The following SLC35F4 variants were observed in gnomAD, a reference collection of about 807,000 sequenced individuals.
SLC35F4 encodes the protein chromosome 14 open reading frame 36.
Under a neutral mutation model 44.2 loss-of-function variants are expected in SLC35F4, and 24 were observed. The observed-to-expected ratio is 0.54, with a 90% CI of 0.39 to 0.76. The LOEUF (loss-of-function observed/expected upper bound fraction) is 0.76, where lower values mean the gene tolerates loss of function less well. Ranked by LOEUF, SLC35F4 falls within the 30% of genes least tolerant of loss-of-function variation. SLC35F4 has a pLI of 0.00. For missense variants in SLC35F4, 562 were observed against 586.1 expected (o/e 0.96, Z 0.42); for synonymous variants, 238 against 223.6 (o/e 1.06, Z -0.57).
intron 1 of SLC35F4, among the ~76,000 whole-genome samples, chr14:57,959,931 C>T (rs1297493305): frequency 6.6e-6 from 1 of 152,044 alleles, no homozygotes; most frequent in African/African-American, 2.4e-5. Context: ...GCCGAGACTC[C>T]ACCTTGGAAG....
intron 1 of SLC35F4, among the ~76,000 whole-genome samples, chr14:57,600,032 A>G (rs181704814): frequency 2.0e-5 from 3 of 152,240 alleles, no homozygotes; most frequent in African/African-American, 7.2e-5. Flanking sequence ...GGTGGAAAAA[A>G]GTGGAAAGAG....
intron 1 of SLC35F4, among the ~76,000 whole-genome samples, chr14:57,966,207 T>C (rs2141091566): frequency 6.6e-6 from 1 of 152,288 alleles, no homozygotes; most frequent in Admixed American, 6.5e-5. Context: ...GCTCCCACAA[T>C]TTGCCTAATC....
At chr14:57,875,765 A>T (rs73294869) in intron 1 of SLC35F4, among the ~76,000 whole-genome samples, 2 of 152,142 alleles carry the variant, frequency 1.3e-5, no homozygotes. Flanking sequence ...AGGTTAACTC[A>T]GATTGATTAG....
intron 1 of SLC35F4, among the ~76,000 whole-genome samples, chr14:57,607,319 C>T (rs1049301563): frequency 1.3e-5 from 2 of 152,100 alleles, no homozygotes; most frequent in African/African-American, 2.4e-5. Context: ...GGGAGGAGTA[C>T]CAGTCAGGAA....
intron 1 of SLC35F4, among the ~76,000 whole-genome samples, chr14:57,744,952 T>C (rs2076716497): frequency 1.3e-5 from 2 of 151,376 alleles, no homozygotes; most frequent in Non-Finnish European, 3.0e-5. Context: ...CTACTAACCA[T>C]CTGATCTTTG....
chr14:57,588,128 C>G (rs567452459), intron 3 of SLC35F4, among the ~76,000 whole-genome samples: 2 of 152,190 alleles, frequency 1.3e-5, no homozygotes, highest in Non-Finnish European at 2.9e-5. Context: ...GATCGTGCCA[C>G]TGCACTCCAG....
chr14:57,769,966 C>T (rs979628731), intron 1 of SLC35F4, among the ~76,000 whole-genome samples: 5 of 152,166 alleles, frequency 3.3e-5, no homozygotes, highest in Non-Finnish European at 2.9e-5. Flanking sequence ...TCATTTAAAA[C>T]ACCATCTGCC....
At chr14:57,829,963 G>T (rs1275655597) in intron 1 of SLC35F4, among the ~76,000 whole-genome samples, 2 of 152,182 alleles carry the variant, frequency 1.3e-5, no homozygotes, top group Non-Finnish European at 1.5e-5. Flanking sequence ...TAATCTTGCA[G>T]TTAAATGCAA....
In SLC35F4 at chr14:57,890,232, C is replaced by T. The variant is rs915345516; in HGVS notation, n.282+91681G>A. 7.2e-5 allele frequency among the ~76,000 whole-genome samples: 11 copies of T among 152,222 alleles called. No individual in the cohort carries two copies. In the East Asian group the frequency reaches 2.1e-3, roughly 29 times the overall value. On this transcript the variant is annotated intron_variant and non_coding_transcript_variant, in intron 1 of 1. Coordinates refer to the SLC35F4 transcript ENST00000556568. ...GCAAACATGTGGAGTAGATATGGAC[C>T]CACTCACATCCTGGAGACAAACAAG...
At chr14:57,709,062 A>G (rs1166760796) in intron 1 of SLC35F4, among the ~76,000 whole-genome samples, 1 of 152,242 alleles carries the variant, frequency 6.6e-6, no homozygotes, top group Non-Finnish European at 1.5e-5. Context: ...ACTGAAGCAC[A>G]GCATCACAGG....
At chr14:57,804,891 G>T (rs1258959328) in intron 1 of SLC35F4, among the ~76,000 whole-genome samples, 1 of 152,090 alleles carries the variant, frequency 6.6e-6, no homozygotes, top group Non-Finnish European at 1.5e-5. Flanking sequence ...CTAATATCCA[G>T]AGTCTACAAG....
chr14:57,638,155 A>G (rs938446999), intron 1 of SLC35F4, among the ~76,000 whole-genome samples: 1 of 152,126 alleles, frequency 6.6e-6, no homozygotes, highest in Non-Finnish European at 1.5e-5. Context: ...ATTGCAGCTC[A>G]TCCACTAGCA....
At chr14:57,711,757 AT>A (rs1256226054) in intron 1 of SLC35F4, among the ~76,000 whole-genome samples, 1 of 152,226 alleles carries the variant, frequency 6.6e-6, no homozygotes, top group Admixed American at 6.5e-5. Flanking sequence ...GCACAGACTT[AT>A]CAAACCGAAG....
At chr14:57,570,049 T>C (rs2068417571) in intron 5 of SLC35F4, 69 bp from the exon 6 acceptor site, 2 of 1,409,954 alleles carry the variant, frequency 1.4e-6, no homozygotes, top group South Asian at 1.6e-5. Context: ...GTCTTACTGT[T>C]CCATACTGTG....
intron 1 of SLC35F4, among the ~76,000 whole-genome samples, chr14:57,639,206 T>C (rs1232114074): frequency 2.6e-5 from 4 of 152,112 alleles, no homozygotes; most frequent in Non-Finnish European, 5.9e-5. Flanking sequence ...ACACAGAGTC[T>C]GAGCTGACAA....
intron 1 of SLC35F4, among the ~76,000 whole-genome samples, chr14:57,669,333 G>A (rs2074428997): frequency 6.6e-6 from 1 of 152,012 alleles, no homozygotes; most frequent in Non-Finnish European, 1.5e-5. Flanking sequence ...TCCTTCTCCT[G>A]CCTGATTGCC....
chr14:57,825,146 T>G (rs1329439505), intron 1 of SLC35F4, among the ~76,000 whole-genome samples: 1 of 152,130 alleles, frequency 6.6e-6, no homozygotes, highest in African/African-American at 2.4e-5. Flanking sequence ...GCCAAGGTCT[T>G]AGGCCTGAGC....
chr14:57,612,811 T>C (rs1595049911), intron 1 of SLC35F4, among the ~76,000 whole-genome samples: 1 of 152,306 alleles, frequency 6.6e-6, no homozygotes, highest in East Asian at 1.9e-4. Flanking sequence ...AGAGTAGCAA[T>C]ACCATAATTA....
At chr14:57,964,284 G>T (rs1170465251) in intron 1 of SLC35F4, among the ~76,000 whole-genome samples, 5 of 152,252 alleles carry the variant, frequency 3.3e-5, no homozygotes, top group African/African-American at 9.6e-5. Context: ...TGTTACAAGT[G>T]TGTCCAGCTT....
Sources: allele counts gnomAD v4.1 joint callset (sites outside exome capture counted in the v4.1 genomes callset), GRCh38; gene constraint gnomAD v4.1.1; transcripts MANE v1.5; gene names NCBI Gene and HGNC (gene_info 2026-07-23, HGNC 2026-07-21).